The following EMP2 variants were observed in gnomAD, a reference collection of about 807,000 sequenced individuals.
EMP2 encodes epithelial membrane protein 2.
EMP2 carries 19 observed loss-of-function variants against 13.7 expected under a neutral mutation model. The observed-to-expected ratio is 1.38, with a 90% CI of 0.97 to 2.03. The LOEUF (loss-of-function observed/expected upper bound fraction) is 2.03, where lower values mean the gene tolerates loss of function less well. Ranked by LOEUF, EMP2 falls within the 30% of genes most tolerant of loss-of-function variation. The pLI is 0.00. For missense variants in EMP2, 253 were observed against 220.7 expected (o/e 1.15, Z -0.93); for synonymous variants, 97 against 84.7 (o/e 1.15, Z -0.80).
intron 4 of EMP2, among the ~76,000 whole-genome samples, chr16:10,537,126 C>T (rs34359542): frequency 0.06 from 9,128 of 152,216 alleles, 359 homozygotes; most frequent in Non-Finnish European, 0.082. Context: ...CATCAAGCCA[C>T]TCGTCAACTC....
chr16:10,531,925 C>A lies in EMP2; in HGVS notation c.*980G>T, dbSNP rs1431631147. ...GCTGTACCCCACACCCTGAAGGTGT[C>A]TATGAGTTCACATGGCTCAGGAATG... On this transcript the variant is annotated 3_prime_UTR_variant, in exon 5 of 5. Transcript: ENST00000359543. The A allele has an allele frequency of 6.5e-6, 1 of 154,824 alleles. No individual in the cohort carries two copies. Among genetic ancestry groups the A allele is most frequent in the Non-Finnish European group, 1.5e-5 (1 of 68,270 alleles). The allele number at this position is 154,824 out of a possible 1,614,324, so 9.6% of individuals were successfully genotyped here.
intron 1 of EMP2, among the ~76,000 whole-genome samples, chr16:10,579,708 GCACACACACACA>G (rs71133370): frequency 2.0e-5 from 3 of 146,668 alleles, no homozygotes; most frequent in African/African-American, 5.2e-5. Context: ...AGATCAAGGT[GCACACACACACA>G]CACACACACA....
chr16:10,563,994 G>T (rs1201556670), intron 1 of EMP2, among the ~76,000 whole-genome samples: 1 of 152,276 alleles, frequency 6.6e-6, no homozygotes, highest in African/African-American at 2.4e-5. Context: ...AACTTTTCTT[G>T]AAGTGGCAAT....
chr16:10,559,861 G>A (rs1358646023), intron 1 of EMP2, among the ~76,000 whole-genome samples: 7 of 152,136 alleles, frequency 4.6e-5, no homozygotes, highest in Non-Finnish European at 8.8e-5. Context: ...TTTTAGTAAA[G>A]ACGGAGTGTC....
intron 1 of EMP2, among the ~76,000 whole-genome samples, chr16:10,570,033 C>T (rs1406232891): frequency 6.6e-6 from 1 of 152,158 alleles, no homozygotes; most frequent in African/African-American, 2.4e-5. Context: ...CACTCCTCCC[C>T]TGGGTCTGCT....
chr16:10,533,068 G>A lies in EMP2; in HGVS notation c.341C>T (p.Ser114Phe), dbSNP rs746781679. ...GTCTTCACGCCTGTCTGTATAAATG[G>A]AGGCCGCAATCATGACACACAGACC... ...MSCLCVMIAA[S>F]IYTDRREDIH... The change falls in exon 5 of 5, where the codon TCC (serine) becomes TTC (phenylalanine). Residue 114 changes from serine to phenylalanine, a missense_variant. Coordinates refer to ENST00000359543, the MANE Select transcript of EMP2 (RefSeq NM_001424.6). 6 of 1,594,590 alleles carry A rather than the reference G, an allele frequency of 3.8e-6. No individual in the cohort carries two copies. Among genetic ancestry groups the A allele is most frequent in the Non-Finnish European group, 5.1e-6 (6 of 1,169,822 alleles).
At chr16:10,539,632 G>A (rs565283737) in intron 3 of EMP2, among the ~76,000 whole-genome samples, 25 of 152,204 alleles carry the variant, frequency 1.6e-4, no homozygotes, top group Admixed American at 1.4e-3. Flanking sequence ...TGGTGGTTAC[G>A]TGGGTGTTTA....
At chr16:10,558,205 T>C (rs2050846422) in intron 1 of EMP2, among the ~76,000 whole-genome samples, 1 of 152,014 alleles carries the variant, frequency 6.6e-6, no homozygotes, top group East Asian at 1.9e-4. Flanking sequence ...AATTTTATTT[T>C]TTGAAGAAAT....
At chr16:10,556,618 T>A (rs1205277007) in intron 1 of EMP2, among the ~76,000 whole-genome samples, 2 of 152,226 alleles carry the variant, frequency 1.3e-5, no homozygotes, top group African/African-American at 2.4e-5. Context: ...ACAGGGGTCA[T>A]GCCACATGAA....
At chr16:10,545,563 C>T (rs910907653) in intron 2 of EMP2, 22 of 156,666 alleles carry the variant, frequency 1.4e-4, no homozygotes, top group African/African-American at 3.4e-4. Context: ...CTAGGCTGCA[C>T]GCTCCTTATG....
At position 10,538,086 on chromosome 16, in the gene EMP2, G is replaced by A. The variant is rs1231002529; in HGVS notation, c.170-12C>T. Reference sequence around the variant, plus strand: ...CAGCGTGGAGTACTCTGCGGGAAAAGGGCAGGGGCGCAGGACTGAGGACCT... The same window carrying A: ...CAGCGTGGAGTACTCTGCGGGAAAAAGGCAGGGGCGCAGGACTGAGGACCT... On this transcript the variant is annotated splice_polypyrimidine_tract_variant and intron_variant, in intron 3 of 4. Coordinates refer to ENST00000359543, the MANE Select transcript of EMP2 (RefSeq NM_001424.6). 1 of 1,612,912 alleles carries A rather than the reference G, an allele frequency of 6.2e-7. No homozygotes were observed. The highest frequency in any genetic ancestry group is 8.5e-7 in the Non-Finnish European group (1 of 1,179,752).
At chr16:10,552,914 A>G (rs1274283416) in intron 1 of EMP2, among the ~76,000 whole-genome samples, 1 of 152,218 alleles carries the variant, frequency 6.6e-6, no homozygotes, top group Admixed American at 6.5e-5. Context: ...AGAGAAGTCA[A>G]GTAAGGTTTC....
intron 3 of EMP2, among the ~76,000 whole-genome samples, chr16:10,541,904 C>T (rs2050702414): frequency 6.6e-6 from 1 of 152,162 alleles, no homozygotes; most frequent in Non-Finnish European, 1.5e-5. Flanking sequence ...GACTTAGACC[C>T]ATGCCTCACA....
chr16:10,560,448 T>A (rs531625856), intron 1 of EMP2, among the ~76,000 whole-genome samples: 35 of 152,294 alleles, frequency 2.3e-4, no homozygotes, highest in Admixed American at 1.4e-3. Context: ...TTTGTTCACA[T>A]CATCCAATTT....
chr16:10,533,179 C>A, intron 4 of EMP2, 87 bp from the exon 5 acceptor site: 2 of 1,160,326 alleles, frequency 1.7e-6, no homozygotes, highest in Non-Finnish European at 2.3e-6. Context: ...GAGTTGAAGA[C>A]AAACTTCAGC....
At chr16:10,572,094 C>A (rs972743065) in intron 1 of EMP2, among the ~76,000 whole-genome samples, 4 of 152,160 alleles carry the variant, frequency 2.6e-5, no homozygotes, top group African/African-American at 9.7e-5. Context: ...AATGAGGGAG[C>A]AGGAGAAAGA....
chr16:10,561,334 G>T (rs770305282), intron 1 of EMP2, among the ~76,000 whole-genome samples: 2 of 152,202 alleles, frequency 1.3e-5, no homozygotes, highest in Non-Finnish European at 2.9e-5. Flanking sequence ...TGTCACTCAG[G>T]AGAAAACGGG....
intron 1 of EMP2, among the ~76,000 whole-genome samples, chr16:10,566,598 T>C (rs1248873853): frequency 6.6e-6 from 1 of 152,226 alleles, no homozygotes; most frequent in Non-Finnish European, 1.5e-5. Flanking sequence ...TGAATCCCAC[T>C]GTGCAGAAAA....
rs991165345 is a variant in EMP2 at position 10,580,342 on chromosome 16, G to T, written c.-61+207C>A. 6.6e-6 allele frequency among the ~76,000 whole-genome samples: 1 copy of T among 152,216 alleles called. No individual in the cohort carries two copies. The highest frequency in any genetic ancestry group is 2.1e-4 in the South Asian group (1 of 4,830). ...GCGTGGGAAGCTGTCCCGGGATGGCGAAGTGGAATTCTGGGGCCGGAGCGA... is the reference window on the plus strand; with the variant it reads ...GCGTGGGAAGCTGTCCCGGGATGGCTAAGTGGAATTCTGGGGCCGGAGCGA... On this transcript the variant is annotated intron_variant, in intron 1 of 4. Transcript: ENST00000359543. This position sits in a 1 kb window ranked among gnomAD's most constrained non-coding sequence, Gnocchi z 4.3.
Sources: gnomAD v4.1 joint callset for allele counts (sites outside exome capture counted in the v4.1 genomes callset) on GRCh38, gnomAD v4.1.1 for gene constraint, Gnocchi (gnomAD v3.1) non-coding constraint, MANE v1.5 for transcripts, NCBI Gene and HGNC (gene_info 2026-07-23, HGNC 2026-07-21) for gene names.